PRAG1: variants seen among roughly 807,000 people sequenced by gnomAD.
PRAG1 encodes the protein PEAK1 related, kinase-activating pseudokinase 1.
In PRAG1, 110 loss-of-function variants were observed where a neutral mutation model predicts 95.6. That is an observed-to-expected ratio of 1.15 (90% CI 0.99 to 1.35). PRAG1 has a LOEUF of 1.35. Ranked by LOEUF, PRAG1 falls within the 40% of genes most tolerant of loss-of-function variation. PRAG1 has a pLI of 0.00. For missense variants in PRAG1, 2,554 were observed against 1,864.7 expected, an observed-to-expected ratio of 1.37 and a Z score of -6.81; for synonymous variants, 1,052 against 819.4, an observed-to-expected ratio of 1.28 and a Z score of -4.85.
chr8:8,373,839 G>A (rs748051070), intron 3 of PRAG1, among the ~76,000 whole-genome samples: 9 of 152,094 alleles, frequency 5.9e-5, no homozygotes, highest in Non-Finnish European at 1.2e-4. Context: ...TCAAGCTTGA[G>A]CTATATGCAA....
rs1276760875 is a variant in PRAG1, at chr8:8,339,552, C to T, written c.2246G>A (p.Arg749Lys). The T allele has an allele frequency of 3.7e-6, 6 of 1,614,174 alleles. No individual in the cohort carries two copies. Among genetic ancestry groups the T allele is most frequent in the African/African-American group, 1.3e-5 (1 of 75,038 alleles). The change falls in exon 4 of 6, where the codon AGG becomes AAG. Residue 749 changes from arginine to lysine, a missense_variant. Transcript: ENST00000615670. ...GSAESLSPSF[R>K]GVHVSFTTGS... ...GGTGGTGAAGCTGACGTGGACACCC[C>T]TGAAGGATGGGCTGAGGCTTTCTGC...
At chr8:8,370,983 T>C (rs746250860) in intron 3 of PRAG1, among the ~76,000 whole-genome samples, 1 of 151,800 alleles carries the variant, frequency 6.6e-6, no homozygotes, top group East Asian at 2.0e-4. Context: ...TACTAAAATA[T>C]AAAAATTAGC....
At chr8:8,383,298 C>T (rs1287546016) in intron 1 of PRAG1, among the ~76,000 whole-genome samples, 4 of 152,158 alleles carry the variant, frequency 2.6e-5, no homozygotes, top group East Asian at 3.9e-4. Flanking sequence ...AGGCCAGGCG[C>T]GGTGGCTCAC....
chr8:8,347,756 A>T (rs184658502), intron 3 of PRAG1, among the ~76,000 whole-genome samples: 2 of 152,114 alleles, frequency 1.3e-5, no homozygotes, highest in East Asian at 3.9e-4. Flanking sequence ...TGCTTGAACA[A>T]ACCTGCAGAC....
At chr8:8,323,617 C>G (rs752352675) in intron 5 of PRAG1, among the ~76,000 whole-genome samples, 3 of 152,168 alleles carry the variant, frequency 2.0e-5, no homozygotes, top group Non-Finnish European at 2.9e-5. Context: ...AGCCACTGCA[C>G]CTGGCTGCTT....
intron 2 of PRAG1, 75 bp downstream of exon 2, chr8:8,381,343 G>A: frequency 2.7e-6 from 4 of 1,458,958 alleles, no homozygotes; most frequent in Non-Finnish European, 3.7e-6. Flanking sequence ...AGCCCTCCCT[G>A]GCTGCCAGCC....
chr8:8,333,839 G>C (rs923787853), intron 4 of PRAG1, among the ~76,000 whole-genome samples: 11 of 152,236 alleles, frequency 7.2e-5, no homozygotes, highest in Non-Finnish European at 1.0e-4. Flanking sequence ...AAAGCAAGTG[G>C]AATATGGATG....
chr8:8,344,638 T>C (rs979919350), intron 3 of PRAG1, among the ~76,000 whole-genome samples: 1 of 152,182 alleles, frequency 6.6e-6, no homozygotes, highest in Non-Finnish European at 1.5e-5. Flanking sequence ...TGCAGGTCAG[T>C]TAAATTATTA....
At chr8:8,360,566 C>G (rs1396135712) in intron 3 of PRAG1, among the ~76,000 whole-genome samples, 1 of 152,216 alleles carries the variant, frequency 6.6e-6, no homozygotes, top group Non-Finnish European at 1.5e-5. Flanking sequence ...CTGAGCTTCT[C>G]CTAACAACTC....
At chr8:8,375,780 C>A (rs1321746461) in intron 3 of PRAG1, among the ~76,000 whole-genome samples, 1 of 152,162 alleles carries the variant, frequency 6.6e-6, no homozygotes, top group African/African-American at 2.4e-5. Flanking sequence ...CTGCTTCGGC[C>A]TCCCAAAGTG....
In PRAG1 at chr8:8,381,677, A is replaced by G; in HGVS notation, c.71T>C (p.Ile24Thr). 1 of 1,613,364 alleles carries G rather than the reference A, an allele frequency of 6.2e-7. No individual in the cohort carries two copies. Among genetic ancestry groups the G allele is most frequent in the Non-Finnish European group, 8.5e-7 (1 of 1,179,574 alleles). The change falls in exon 2 of 6, where the codon ATC becomes ACC. Residue 24 changes from isoleucine to threonine, a missense_variant. Transcript: ENST00000615670. ...MSACSDFVEH[I>T]WKPGSCKNCF... is the part of the protein sequence containing the mutation. ...GTTCTTGCAGGACCCGGGTTTCCAG[A>G]TGTGCTCCACAAAGTCACTGCACGC...
Position 8,318,932 on chromosome 8 carries a change from A to T in PRAG1, c.3443T>A (p.Leu1148Gln). 1 of 1,611,344 alleles carries T rather than the reference A, an allele frequency of 6.2e-7. No homozygotes were observed. Residue 1148 changes from leucine (L) to glutamine (Q), a missense_variant, in exon 6 of 6, where the codon CTG becomes CAG. Physicochemically the swap from Leu to Gln is moderately radical, Grantham distance 113 (BLOSUM62 -2). Coordinates refer to ENST00000615670, the MANE Select transcript of PRAG1 (RefSeq NM_001080826.3). The surrounding 1 kb of genome is among the most constrained non-coding windows in gnomAD (Gnocchi z 4.2). ...GCAGTGCACCAGCAGCAGGTTCTCC[A>T]GGCACAGGTCCCGGTGGATGATCCC... ...EHGIIHRDLC[L>Q]ENLLLVHCTL...
chr8:8,376,066 G>C (rs1449864339), intron 3 of PRAG1, among the ~76,000 whole-genome samples, 181 bp downstream of exon 3: 3 of 152,258 alleles, frequency 2.0e-5, no homozygotes, highest in Middle Eastern at 3.4e-3. Context: ...TGGGTACAAA[G>C]AGGGCCACAA....
chr8:8,372,058 G>A (rs1057236651), intron 3 of PRAG1, among the ~76,000 whole-genome samples: 39 of 152,282 alleles, frequency 2.6e-4, no homozygotes, highest in African/African-American at 8.4e-4. Context: ...TTGGTGAAAC[G>A]CTTATCTGCA....
At chr8:8,354,525 A>G (rs896878519) in intron 3 of PRAG1, among the ~76,000 whole-genome samples, 1 of 152,240 alleles carries the variant, frequency 6.6e-6, no homozygotes, top group Admixed American at 6.5e-5. Flanking sequence ...TATTAATTCA[A>G]TTCTCAATAA....
In PRAG1 at chr8:8,334,877, G is replaced by GT. The variant is rs761944335; in HGVS notation, c.2320+4600dup. Among the ~76,000 whole-genome samples, 215 of 152,152 alleles carry GT rather than the reference G, an allele frequency of 1.4e-3. 2 individuals carry two copies. The highest frequency in any genetic ancestry group is 3.4e-3 in the Middle Eastern group (1 of 294). On this transcript the variant is annotated intron_variant, in intron 4 of 5. Transcript: ENST00000615670. ...GTGAGCGGATCACTTGAGGTCAGGA[G>GT]TTTGAGACCAGCCTGGCCAACATGG...
rs1201540142 is a variant in PRAG1 at position 8,318,979 on chromosome 8, C to T, written c.3396G>A (p.Gly1132=). ...VCFLLLQLCN[G]LEHLKEHGII... Reference sequence around the variant, plus strand: ...TCCCGTGCTCCTTCAGGTGCTCCAGCCCGTTGCAGAGTTGCAGAAGCAGGA... The same window carrying T: ...TCCCGTGCTCCTTCAGGTGCTCCAGTCCGTTGCAGAGTTGCAGAAGCAGGA... The change falls in exon 6 of 6, where the codon GGG becomes GGA. Residue 1132 remains glycine (G), a synonymous_variant. Transcript: ENST00000615670. This position sits in a 1 kb window ranked among gnomAD's most constrained non-coding sequence, Gnocchi z 4.2. 6 of 1,613,360 alleles carry T rather than the reference C, an allele frequency of 3.7e-6. No homozygotes were observed. The highest frequency in any genetic ancestry group is 1.1e-5 in the South Asian group (1 of 91,078).
At position 8,377,609 on chromosome 8, in the gene PRAG1, T is replaced by G. The variant is rs761409717; in HGVS notation, c.800A>C (p.Lys267Thr). The change falls in exon 3 of 6, where the codon AAG becomes ACG. Residue 267 changes from lysine (K) to threonine (T), a missense_variant. Physicochemically the swap from Lys to Thr is moderately conservative, Grantham distance 78. Transcript: ENST00000615670. ...GGAACCTGCAGTCTGGGAGGCAGCC[T>G]TGGCAACAGGGCTCCCAGGGCAGCA... is the stretch of plus-strand genomic sequence containing the variant. ...LDCCPGSPVA[K>T]AASQTAGSRG... 5 of 1,613,074 alleles carry G rather than the reference T, an allele frequency of 3.1e-6. No individual in the cohort carries two copies. Among genetic ancestry groups the G allele is most frequent in the Admixed American group, 1.7e-5 (1 of 59,974 alleles).
At chr8:8,350,916 A>C (rs1301123388) in intron 3 of PRAG1, among the ~76,000 whole-genome samples, 1 of 151,826 alleles carries the variant, frequency 6.6e-6, no homozygotes, top group Non-Finnish European at 1.5e-5. Context: ...GGATGGATGG[A>C]TGGATGGATG....
Sources: allele counts gnomAD v4.1 joint callset (sites outside exome capture counted in the v4.1 genomes callset), GRCh38; gene constraint gnomAD v4.1.1; non-coding constraint Gnocchi (gnomAD v3.1); transcripts MANE v1.5; gene names NCBI Gene and HGNC (gene_info 2026-07-23, HGNC 2026-07-21).